PDE1A: variants seen among roughly 807,000 people sequenced by gnomAD.
The protein encoded by PDE1A is phosphodiesterase 1A.
Under a neutral mutation model 61.7 loss-of-function variants are expected in PDE1A, and 35 were observed. The ratio of observed to expected loss-of-function variants is 0.57; its 90% CI spans 0.43 to 0.75. The LOEUF (loss-of-function observed/expected upper bound fraction) is 0.75, where lower values mean the gene tolerates loss of function less well. PDE1A is among the 30% of genes least tolerant of loss of function. PDE1A has a pLI of 0.00. For missense variants in PDE1A, 597 were observed against 630.6 expected, an observed-to-expected ratio of 0.95 and a Z score of 0.57; for synonymous variants, 232 against 213.2, an observed-to-expected ratio of 1.09 and a Z score of -0.77.
intron 1 of PDE1A, among the ~76,000 whole-genome samples, chr2:182,382,665 A>C (rs1217695235): frequency 2.0e-5 from 3 of 152,014 alleles, no homozygotes; most frequent in Non-Finnish European, 1.5e-5. Flanking sequence ...CTAATATAGC[A>C]TCTGAAATCA....
chr2:182,538,256 G>GT, the PDE1A span, among the ~76,000 whole-genome samples: 1 of 152,084 alleles, frequency 6.6e-6, no homozygotes, highest in African/African-American at 2.4e-5. Flanking sequence ...CTTGTTTATG[G>GT]TGTGTTGCTC....
chr2:182,376,635 G>A (rs1333393153), intron 1 of PDE1A, among the ~76,000 whole-genome samples: 1 of 152,128 alleles, frequency 6.6e-6, no homozygotes, highest in Non-Finnish European at 1.5e-5. Flanking sequence ...CAGTTTCAAA[G>A]TCACTTCCAC....
the PDE1A span, among the ~76,000 whole-genome samples, chr2:182,554,398 G>C: frequency 6.6e-6 from 1 of 152,166 alleles, no homozygotes; most frequent in Non-Finnish European, 1.5e-5. Context: ...GGGCTTGAAA[G>C]TTTTACTTCA....
intron 1 of PDE1A, among the ~76,000 whole-genome samples, chr2:182,281,577 A>G (rs80185490): frequency 0.11 from 16,012 of 152,002 alleles, 1,185 homozygotes; most frequent in East Asian, 0.32. Flanking sequence ...TGCTGCTAAG[A>G]AAGAAAAAAT....
At chr2:182,585,323 G>A in the PDE1A span, among the ~76,000 whole-genome samples, 1 of 152,072 alleles carries the variant, frequency 6.6e-6, no homozygotes, top group Non-Finnish European at 1.5e-5. Context: ...AGTGTATTTT[G>A]GGAGTCTCAC....
chr2:182,352,188 C>T (rs1018606796), intron 1 of PDE1A, among the ~76,000 whole-genome samples: 33 of 152,310 alleles, frequency 2.2e-4, no homozygotes, highest in African/African-American at 7.7e-4. Context: ...GGACAAAGAG[C>T]AGGCTTGCCT....
the PDE1A span, among the ~76,000 whole-genome samples, chr2:182,591,340 G>A: frequency 3.3e-5 from 5 of 152,130 alleles, no homozygotes; most frequent in Non-Finnish European, 7.3e-5. Context: ...TTAAGTCCCA[G>A]TTATCTGACC....
the PDE1A span, among the ~76,000 whole-genome samples, chr2:182,660,714 A>G: frequency 6.6e-6 from 1 of 152,198 alleles, no homozygotes; most frequent in Admixed American, 6.5e-5. Flanking sequence ...AGCTAGAAAG[A>G]AAACATGGAC....
At chr2:182,570,409 C>G in the PDE1A span, among the ~76,000 whole-genome samples, 2 of 152,136 alleles carry the variant, frequency 1.3e-5, no homozygotes, top group Non-Finnish European at 1.5e-5. Flanking sequence ...TTGTAAATGA[C>G]TGTTGAAAAA....
intron 6 of PDE1A, among the ~76,000 whole-genome samples, chr2:182,227,452 T>C (rs1229418520): frequency 6.6e-6 from 1 of 152,112 alleles, no homozygotes; most frequent in Non-Finnish European, 1.5e-5. Flanking sequence ...ACAATTCTTT[T>C]AGCTAGAATT....
the PDE1A span, among the ~76,000 whole-genome samples, chr2:182,607,389 G>C: frequency 2.0e-5 from 3 of 152,178 alleles, no homozygotes; most frequent in Non-Finnish European, 4.4e-5. Flanking sequence ...ATTGTTTGAG[G>C]AATAGCACTT....
rs377228202 is a variant in PDE1A at position 182,395,678 on chromosome 2, C to A, written c.53+30900G>T. Among the ~76,000 whole-genome samples the A allele has an allele frequency of 9.8e-5, 15 of 152,308 alleles. No individual in the cohort carries two copies. In the East Asian group the frequency reaches 2.7e-3, roughly 27 times the overall value. ...CCAGGCTGCTGTGCAAGCTGCTCTG[C>A]CACTTGGGCCATATGATCCAGCAGA... is the stretch of plus-strand genomic sequence containing the variant. On this transcript the variant is annotated intron_variant, in intron 1 of 13. Coordinates refer to ENST00000351439, the Ensembl canonical transcript of PDE1A.
chr2:182,462,183 A>G (rs920883992), intron 2 of PDE1A, among the ~76,000 whole-genome samples: 1 of 152,072 alleles, frequency 6.6e-6, no homozygotes, highest in Non-Finnish European at 1.5e-5. Flanking sequence ...GAGGGAAAGC[A>G]TTAGGAGATA....
At chr2:182,667,486 T>C in the PDE1A span, among the ~76,000 whole-genome samples, 1 of 152,230 alleles carries the variant, frequency 6.6e-6, no homozygotes. Context: ...GTGTGGGTGT[T>C]CCCCTCACTA....
intron 2 of PDE1A, among the ~76,000 whole-genome samples, chr2:182,262,164 CTTCT>C (rs1031300641): frequency 1.3e-5 from 2 of 150,810 alleles, no homozygotes; most frequent in Non-Finnish European, 3.0e-5. Flanking sequence ...CTTTCTTTCT[CTTCT>C]TTCTTTCCCT....
chr2:182,583,151 T>C, the PDE1A span, among the ~76,000 whole-genome samples: 1 of 152,258 alleles, frequency 6.6e-6, no homozygotes, highest in East Asian at 1.9e-4. Flanking sequence ...GTAAAATCCA[T>C]GGAGCTTCTG....
At chr2:182,559,815 TAAACA>T in the PDE1A span, among the ~76,000 whole-genome samples, 8 of 152,264 alleles carry the variant, frequency 5.3e-5, no homozygotes, top group African/African-American at 1.9e-4. Flanking sequence ...CATTTACAAC[TAAACA>T]AAACAGGATG....
intron 1 of PDE1A, among the ~76,000 whole-genome samples, chr2:182,408,527 T>C (rs1201634476): frequency 1.3e-5 from 2 of 152,212 alleles, no homozygotes; most frequent in Non-Finnish European, 2.9e-5. Flanking sequence ...ACCTATCACC[T>C]GCTACAGACC....
At chr2:182,159,445 G>T (rs1413230795) in intron 13 of PDE1A, among the ~76,000 whole-genome samples, 1 of 152,280 alleles carries the variant, frequency 6.6e-6, no homozygotes, top group Non-Finnish European at 1.5e-5. Flanking sequence ...GGTTAATTAA[G>T]AATGGAAAGG....
Sources: allele counts gnomAD v4.1 joint callset (sites outside exome capture counted in the v4.1 genomes callset), GRCh38; gene constraint gnomAD v4.1.1; transcripts MANE v1.5; gene names NCBI Gene and HGNC (gene_info 2026-07-23, HGNC 2026-07-21).